APP: variants seen among roughly 807,000 people sequenced by gnomAD.
APP encodes amyloid beta precursor protein.
Under a neutral mutation model 101.4 loss-of-function variants are expected in APP, and 31 were observed. That is an observed-to-expected ratio of 0.31 (90% CI 0.23 to 0.41). The LOEUF is 0.41. Among genes scored for constraint, APP ranks in the 10% least tolerant of loss-of-function variants. The pLI is 1.00. For missense variants in APP, 839 were observed against 1,003.7 expected (o/e 0.84, Z 2.22); for synonymous variants, 366 against 364.4 (o/e 1.00, Z -0.05).
chr21:26,147,934 G>T (rs1317377986), intron 1 of APP, among the ~76,000 whole-genome samples: 1 of 151,110 alleles, frequency 6.6e-6, no homozygotes, highest in South Asian at 2.1e-4. Context: ...TGAAATTTAA[G>T]AGCCACCTGA....
chr21:26,057,072 G>A (rs575556156), intron 3 of APP, among the ~76,000 whole-genome samples: 1 of 152,232 alleles, frequency 6.6e-6, no homozygotes, highest in East Asian at 1.9e-4. Flanking sequence ...CAGTTACATG[G>A]AAACTGTACT....
intron 3 of APP, among the ~76,000 whole-genome samples, chr21:26,062,238 C>CAA (rs2046298325): frequency 6.7e-6 from 1 of 150,018 alleles, no homozygotes; most frequent in African/African-American, 2.4e-5. Flanking sequence ...CAAACACACA[C>CAA]ACACACACAC....
chr21:26,089,752 G>T, intron 3 of APP, 191 bp downstream of exon 3: 1 of 692,900 alleles, frequency 1.4e-6, no homozygotes, highest in Non-Finnish European at 2.3e-6. Context: ...CTGAGGCAGG[G>T]AACTCAAAAA....
At chr21:26,170,452 T>A in intron 1 of APP, 112 bp downstream of exon 1, 1 of 1,125,608 alleles carries the variant, frequency 8.9e-7, no homozygotes, top group South Asian at 1.4e-5. Context: ...AGGAGAGGGG[T>A]CCCATTGACG....
chr21:26,016,773 T>C (rs2044084232), intron 6 of APP, among the ~76,000 whole-genome samples: 1 of 152,146 alleles, frequency 6.6e-6, no homozygotes. Flanking sequence ...GGTTTCACCG[T>C]GTTAGCCAGG....
At chr21:25,981,906 G>A (rs4817077) in intron 9 of APP, among the ~76,000 whole-genome samples, 36,725 of 151,848 alleles carry the variant, frequency 0.24, 4,908 homozygotes, top group East Asian at 0.43. Context: ...CTATGGTTCA[G>A]CTCAGTTTTA....
At chr21:25,970,010 G>C (rs1326880755) in intron 11 of APP, among the ~76,000 whole-genome samples, 2 of 137,360 alleles carry the variant, frequency 1.5e-5, no homozygotes, top group Non-Finnish European at 1.6e-5. Flanking sequence ...CAGAGAAAGA[G>C]AGAGAGAGAG....
chr21:26,165,237 C>T (rs2063581439), intron 1 of APP, among the ~76,000 whole-genome samples: 1 of 152,198 alleles, frequency 6.6e-6, no homozygotes, highest in South Asian at 2.1e-4. Context: ...CTTACATATA[C>T]CCATTGTACA....
intron 2 of APP, among the ~76,000 whole-genome samples, chr21:26,092,626 C>G (rs765759035): frequency 2.0e-5 from 3 of 152,004 alleles, no homozygotes; most frequent in Non-Finnish European, 2.9e-5. Context: ...TACATTTGTC[C>G]AAACCCAAAA....
At chr21:26,068,889 T>C (rs940151698) in intron 3 of APP, among the ~76,000 whole-genome samples, 7 of 152,332 alleles carry the variant, frequency 4.6e-5, no homozygotes, top group Non-Finnish European at 8.8e-5. Flanking sequence ...GCATTCCCAG[T>C]CGCTTGCTGC....
chr21:25,893,320 T>G (rs1322713321), intron 16 of APP, among the ~76,000 whole-genome samples: 1 of 152,208 alleles, frequency 6.6e-6, no homozygotes, highest in Admixed American at 6.5e-5. Context: ...CAGTGGCCTC[T>G]TAAGTATTCA....
chr21:26,005,736 T>A (rs1449955036), intron 6 of APP, among the ~76,000 whole-genome samples: 1 of 152,228 alleles, frequency 6.6e-6, no homozygotes. Flanking sequence ...CTCAATAGCA[T>A]AATTTCTTCC....
In APP at chr21:25,892,046, T is replaced by TA. The variant is rs10547971; in HGVS notation, c.2065-179dup. Among the ~76,000 whole-genome samples the TA allele has an allele frequency of 4.4e-3, 607 of 138,844 alleles. 3 individuals are homozygous for TA. Among genetic ancestry groups the TA allele is most frequent in the African/African-American group, 0.012 (462 of 37,036 alleles). The allele number at this position is 138,844 out of a possible 152,430, so 91.1% of individuals were successfully genotyped here. On this transcript the variant is annotated intron_variant, in intron 16 of 17. Transcript: ENST00000346798. ...TTGGTCAAATATTTGATGCTTACTTTAAAAAAAAAAAAAAAAAAAGAAATC... is the reference window on the plus strand; with the variant it reads ...TTGGTCAAATATTTGATGCTTACTTTAAAAAAAAAAAAAAAAAAAAGAAATC...
chr21:26,089,724 A>C lies in APP; in HGVS notation c.355+219T>G, dbSNP rs2061781374. The stretch of plus-strand genomic sequence containing the variant: ...CCAGGAATTTGTAATTTCAATATAC[A>C]CCCTGGGTAAATTCATTCTGAGGCA... On this transcript the variant is annotated intron_variant, in intron 3 of 17. Transcript: ENST00000346798. 8 of 520,164 alleles carry C rather than the reference A, an allele frequency of 1.5e-5. No individual in the cohort carries two copies. In the South Asian group the frequency reaches 2.1e-4, roughly 14 times the overall value. The allele number at this position is 520,164 out of a possible 1,614,324, so 32.2% of individuals were successfully genotyped here. A position where few individuals can be genotyped will look rare whatever the true frequency, so the allele number is the denominator to read the frequency against.
At chr21:25,958,561 G>T (rs2409161) in intron 11 of APP, among the ~76,000 whole-genome samples, 1 of 152,242 alleles carries the variant, frequency 6.6e-6, no homozygotes, top group African/African-American at 2.4e-5. Flanking sequence ...ACAGGCGTGC[G>T]ACCAGTGCAC....
chr21:25,957,976 CCTGT>C (rs976837650), intron 11 of APP, among the ~76,000 whole-genome samples: 9 of 152,008 alleles, frequency 5.9e-5, no homozygotes, highest in African/African-American at 9.7e-5. Flanking sequence ...AGAATAACTG[CCTGT>C]CTTTTAATTA....
intron 5 of APP, among the ~76,000 whole-genome samples, chr21:26,047,322 CCTT>C (rs755541403): frequency 6.6e-6 from 1 of 152,194 alleles, no homozygotes; most frequent in Non-Finnish European, 1.5e-5. Flanking sequence ...GCTCGTTTCT[CCTT>C]CTTCAAGAAT....
chr21:26,036,648 A>T (rs1568890870), intron 5 of APP, among the ~76,000 whole-genome samples: 1 of 152,246 alleles, frequency 6.6e-6, no homozygotes, highest in Non-Finnish European at 1.5e-5. Context: ...TCCTAGACAC[A>T]GTATTTGAGA....
chr21:26,115,540 T>A (rs1275052364), intron 1 of APP, among the ~76,000 whole-genome samples: 1 of 152,224 alleles, frequency 6.6e-6, no homozygotes, highest in African/African-American at 2.4e-5. Flanking sequence ...CAAAGCCTGG[T>A]TGCTAAGCGC....
Sources: allele counts gnomAD v4.1 joint callset (sites outside exome capture counted in the v4.1 genomes callset), GRCh38; gene constraint gnomAD v4.1.1; transcripts MANE v1.5; gene names NCBI Gene and HGNC (gene_info 2026-07-23, HGNC 2026-07-21).